CCDC39: variants seen among roughly 807,000 people sequenced by gnomAD.
CCDC39 encodes coiled-coil domain 39 molecular ruler complex subunit, also known as coiled-coil domain-containing protein 39.
In CCDC39, 113 loss-of-function variants were observed where a neutral mutation model predicts 121.0. The observed-to-expected ratio is 0.93, with a 90% CI of 0.80 to 1.09. The LOEUF (loss-of-function observed/expected upper bound fraction) is 1.09. Ranked by LOEUF, CCDC39 falls within the 50% of genes least tolerant of loss-of-function variation. The pLI is 0.00. For missense variants in CCDC39, 1,063 were observed against 1,074.7 expected (o/e 0.99, Z 0.15); for synonymous variants, 349 against 352.2 (o/e 0.99, Z 0.10).
intron 1 of CCDC39, among the ~76,000 whole-genome samples, chr3:180,678,071 C>T (rs933299339): frequency 5.3e-5 from 8 of 152,068 alleles, no homozygotes; most frequent in African/African-American, 1.4e-4. Context: ...TTGGATGGAA[C>T]CTTAACCCAT....
At position 180,647,222 on chromosome 3, in the gene CCDC39, C is replaced by A; in HGVS notation, c.1384G>T (p.Glu462Ter). Residue 462 changes from glutamate to a stop codon, truncating the protein, a stop_gained, in exon 11 of 20, where the codon GAA (glutamate) becomes TAA (stop). Transcript: ENST00000476379. LOFTEE classifies it high-confidence loss of function. Reference sequence around the variant, plus strand: ...CCCTTTAACCGTGACATTCTCCGTTCCACTTGTTGAATGTGAAAATCCTGT... The same window carrying A: ...CCCTTTAACCGTGACATTCTCCGTTACACTTGTTGAATGTGAAAATCCTGT... The part of the protein sequence containing the change: ...YSQDFHIQQV[E>*]RRMSRLKGEI... 1.9e-6 allele frequency: 3 copies of A among 1,601,772 alleles called. No individual in the cohort carries two copies. In the South Asian group the frequency reaches 3.4e-5, roughly 18 times the overall value.
chr3:180,620,594 A>G (rs1717407508), intron 14 of CCDC39, among the ~76,000 whole-genome samples: 1 of 151,916 alleles, frequency 6.6e-6, no homozygotes, highest in African/African-American at 2.4e-5. Context: ...AACAATTCCA[A>G]AGAACGTCCT....
At chr3:180,657,964 G>A (rs1241598237) in intron 6 of CCDC39, among the ~76,000 whole-genome samples, 1 of 152,194 alleles carries the variant, frequency 6.6e-6, no homozygotes, top group African/African-American at 2.4e-5. Flanking sequence ...AGCAGGCCAG[G>A]TGCGGTGGCT....
intron 14 of CCDC39, among the ~76,000 whole-genome samples, chr3:180,622,881 T>C (rs1380583794): frequency 2.0e-5 from 3 of 151,970 alleles, no homozygotes; most frequent in Non-Finnish European, 4.4e-5. Context: ...TATCGTTTTC[T>C]TTTTTGTGTT....
intron 1 of CCDC39, among the ~76,000 whole-genome samples, chr3:180,671,685 T>C (rs112000779): frequency 0.038 from 5,754 of 152,184 alleles, 370 homozygotes; most frequent in African/African-American, 0.13. Flanking sequence ...CTCAGCCTCC[T>C]GAGTAGCTGG....
chr3:180,650,476 A>AG (rs1718174200), intron 9 of CCDC39, among the ~76,000 whole-genome samples: 1 of 152,156 alleles, frequency 6.6e-6, no homozygotes, highest in Non-Finnish European at 1.5e-5. Context: ...TATGCAATAT[A>AG]CAAATAGATA....
At chr3:180,652,128 T>C (rs779645026) in intron 8 of CCDC39, 35 bp downstream of exon 8, 2 of 1,111,562 alleles carry the variant, frequency 1.8e-6, no homozygotes, top group Non-Finnish European at 1.3e-6. Flanking sequence ...TAGTAAAAAA[T>C]AATCATAAAC....
chr3:180,675,126 G>A (rs1712158730), intron 1 of CCDC39, among the ~76,000 whole-genome samples: 1 of 152,004 alleles, frequency 6.6e-6, no homozygotes, highest in Admixed American at 6.6e-5. Context: ...TTTTTTGGTT[G>A]GTAAGCTATT....
At chr3:180,665,250 A>C (rs1327573201) in intron 1 of CCDC39, among the ~76,000 whole-genome samples, 1 of 152,228 alleles carries the variant, frequency 6.6e-6, no homozygotes, top group African/African-American at 2.4e-5. Flanking sequence ...ACTGGAAACA[A>C]AACTGTGTAA....
chr3:180,619,183 CA>C (rs1355582486), intron 16 of CCDC39, 75 bp downstream of exon 16: 1 of 731,078 alleles, frequency 1.4e-6, no homozygotes, highest in East Asian at 2.7e-5. Flanking sequence ...GGTGGAAGAG[CA>C]AGAGAATAGA....
chr3:180,663,416 C>G (rs1448160821), intron 2 of CCDC39, among the ~76,000 whole-genome samples: 3 of 151,958 alleles, frequency 2.0e-5, no homozygotes, highest in Non-Finnish European at 4.4e-5. Flanking sequence ...AAAATTGGAG[C>G]AGTCGCAGCA....
chr3:180,663,565 G>A (rs1711794701), intron 2 of CCDC39, among the ~76,000 whole-genome samples: 1 of 151,680 alleles, frequency 6.6e-6, no homozygotes, highest in African/African-American at 2.4e-5. Context: ...AGCTACTCGG[G>A]AGGCTGAGGC....
chr3:180,676,742 A>G (rs1013802309), intron 1 of CCDC39, among the ~76,000 whole-genome samples: 3 of 152,212 alleles, frequency 2.0e-5, no homozygotes, highest in Admixed American at 2.0e-4. Flanking sequence ...GAACCAACCC[A>G]AATGTCCAAC....
At chr3:180,617,562 G>A (rs987585307) in intron 16 of CCDC39, 7 of 589,320 alleles carry the variant, frequency 1.2e-5, no homozygotes, top group East Asian at 2.9e-5. Context: ...TCCTGACCAC[G>A]GGTAGGCTTA....
intron 12 of CCDC39, among the ~76,000 whole-genome samples, chr3:180,642,835 G>C (rs1236752719): frequency 6.6e-6 from 1 of 150,590 alleles, no homozygotes; most frequent in Non-Finnish European, 1.5e-5. Flanking sequence ...AAGTTTCTAA[G>C]CATAAAAATT....
At chr3:180,630,831 A>G (rs1717674149) in intron 14 of CCDC39, among the ~76,000 whole-genome samples, 1 of 152,176 alleles carries the variant, frequency 6.6e-6, no homozygotes, top group Non-Finnish European at 1.5e-5. Context: ...ATATCATATT[A>G]TAGGGATATA....
chr3:180,634,018 C>T (rs1717764793), intron 13 of CCDC39, among the ~76,000 whole-genome samples: 1 of 152,116 alleles, frequency 6.6e-6, no homozygotes, highest in African/African-American at 2.4e-5. Flanking sequence ...AAAAAACAGC[C>T]TGAGGACTAT....
chr3:180,632,834 A>G (rs896311254), intron 13 of CCDC39, among the ~76,000 whole-genome samples: 3 of 152,190 alleles, frequency 2.0e-5, no homozygotes, highest in African/African-American at 7.2e-5. Flanking sequence ...AACAAGAGTG[A>G]TCTGTGAGGC....
intron 6 of CCDC39, among the ~76,000 whole-genome samples, chr3:180,655,271 C>A (rs1177385918): frequency 6.6e-6 from 1 of 151,812 alleles, no homozygotes; most frequent in African/African-American, 2.4e-5. Flanking sequence ...ATATTTTTCA[C>A]ATGGAAAGCG....
Sources: allele counts gnomAD v4.1 joint callset (sites outside exome capture counted in the v4.1 genomes callset), GRCh38; gene constraint gnomAD v4.1.1; transcripts MANE v1.5; gene names NCBI Gene and HGNC (gene_info 2026-07-23, HGNC 2026-07-21).